Variants in ZNF366 observed in about 807,000 individuals in gnomAD.
The protein encoded by ZNF366 is dendritic cell-specific transcript protein.
A neutral mutation model predicts 47.2 loss-of-function variants in ZNF366; 20 were observed. That is an observed-to-expected ratio of 0.42 (90% CI 0.30 to 0.62). The LOEUF is 0.62. Ranked by LOEUF, ZNF366 falls within the 20% of genes least tolerant of loss-of-function variation. The pLI, the probability that ZNF366 is intolerant of heterozygous loss-of-function variation, is 0.16. For synonymous variants in ZNF366, 421 were observed against 395.1 expected (o/e 1.07, Z -0.78); for missense variants, 987 against 976.3 (o/e 1.01, Z -0.15).
Position 72,479,504 on chromosome 5 carries a change from T to A in ZNF366, c.-14-17994A>T, listed in dbSNP as rs184388423. On this transcript the variant is annotated intron_variant, in intron 1 of 4. Coordinates refer to ENST00000318442, the MANE Select transcript of ZNF366 (RefSeq NM_152625.3). ...AAAAGGAAATGACAAACCAAAAAAA[T>A]TTTTTTCAACATATGACAAATAATT... Among the ~76,000 whole-genome samples, 889 of 152,144 alleles carry A rather than the reference T, an allele frequency of 5.8e-3. 10 individuals carry two copies. Among genetic ancestry groups the A allele is most frequent in the African/African-American group, 0.019 (808 of 41,490 alleles).
At chr5:72,489,775 C>G (rs947738583) in intron 1 of ZNF366, among the ~76,000 whole-genome samples, 2 of 152,228 alleles carry the variant, frequency 1.3e-5, no homozygotes, top group African/African-American at 4.8e-5. Context: ...GGGAAGAGAA[C>G]CTTCTCTCTG....
At chr5:72,455,294 C>T (rs1444105497) in intron 3 of ZNF366, among the ~76,000 whole-genome samples, 1 of 152,098 alleles carries the variant, frequency 6.6e-6, no homozygotes, top group Non-Finnish European at 1.5e-5. Flanking sequence ...CAGGGGATTC[C>T]TTCAAGTGGG....
At chr5:72,477,002 T>C (rs746978268) in intron 1 of ZNF366, among the ~76,000 whole-genome samples, 4 of 152,132 alleles carry the variant, frequency 2.6e-5, no homozygotes, top group African/African-American at 9.7e-5. Flanking sequence ...ATACAATTTC[T>C]TTACATTGAG....
Position 72,461,284 on chromosome 5 carries a change from G to A in ZNF366, c.213C>T (p.Phe71=), listed in dbSNP as rs1050642962. The change falls in exon 2 of 5, where the codon TTC becomes TTT. Residue 71 remains phenylalanine (F), a synonymous_variant. Transcript: ENST00000318442. The part of the protein sequence containing the change: ...PGDLDGFPGV[F]EGAGSRKRKS... ...TCCGTTTCCTAGACCCTGCTCCTTC[G>A]AAGACCCCGGGGAACCCATCTAGGT... 1.1e-5 allele frequency: 17 copies of A among 1,613,900 alleles called. No individual in the cohort carries two copies. The highest frequency in any genetic ancestry group is 1.6e-4 in the Middle Eastern group (1 of 6,084).
intron 1 of ZNF366, among the ~76,000 whole-genome samples, chr5:72,475,315 G>A (rs910907086): frequency 1.3e-5 from 2 of 152,190 alleles, no homozygotes; most frequent in Non-Finnish European, 2.9e-5. Flanking sequence ...TGGGAGAGAA[G>A]GGGGTCTTCT....
At chr5:72,505,735 G>A (rs1201129940) in intron 1 of ZNF366, among the ~76,000 whole-genome samples, 1 of 152,240 alleles carries the variant, frequency 6.6e-6, no homozygotes, top group African/African-American at 2.4e-5. Flanking sequence ...GGCCACAGTT[G>A]CTGATAAATG....
intron 3 of ZNF366, among the ~76,000 whole-genome samples, chr5:72,447,659 G>T (rs952363851): frequency 6.6e-6 from 1 of 152,202 alleles, no homozygotes; most frequent in South Asian, 2.1e-4. Context: ...ATCAAAGCTT[G>T]TAAAGCTTCT....
rs1213934415 is a variant in ZNF366 at position 72,440,445 on chromosome 5, G to A, written c.*3311C>T. On this transcript the variant is annotated 3_prime_UTR_variant, in exon 5 of 5. Coordinates refer to ENST00000318442, the MANE Select transcript of ZNF366 (RefSeq NM_152625.3). ...GTCCATTGATTTGTTCAAAGTGACAGTGGTCAAAAGGCTGGAAAGCATTTG... is the reference window on the plus strand; with the variant it reads ...GTCCATTGATTTGTTCAAAGTGACAATGGTCAAAAGGCTGGAAAGCATTTG... The A allele has an allele frequency of 1.3e-5, 2 of 152,256 alleles. No individual in the cohort carries two copies. The highest frequency in any genetic ancestry group is 1.3e-4 in the Admixed American group (2 of 15,290). 9.4% of individuals were successfully genotyped at this position (152,256 alleles called of 1,614,324 possible). A position where few individuals can be genotyped will look rare whatever the true frequency, so the allele number is the denominator to read the frequency against.
chr5:72,445,363 A>AG (rs11441018), intron 4 of ZNF366, among the ~76,000 whole-genome samples: 127,236 of 151,582 alleles, frequency 0.84, 53,596 homozygotes, highest in East Asian at 0.96. Flanking sequence ...GGCTTCTGGG[A>AG]GGGGGTGAAA....
chr5:72,476,934 A>ATT (rs371617717), intron 1 of ZNF366, among the ~76,000 whole-genome samples: 2 of 147,152 alleles, frequency 1.4e-5, no homozygotes, highest in African/African-American at 5.0e-5. Context: ...GGGCTGTGGG[A>ATT]TTTTTTTTTT....
At position 72,505,582 on chromosome 5, in the gene ZNF366, T is replaced by C. The variant is rs142976938; in HGVS notation, c.-15+1669A>G. On this transcript the variant is annotated intron_variant, in intron 1 of 4. Coordinates refer to ENST00000318442, the MANE Select transcript of ZNF366 (RefSeq NM_152625.3). ...TGCTGTCATTTGTTTCCTATTGTGTTGCATCTGATGCTTTTACTCAGTAAA... is the reference window on the plus strand; with the variant it reads ...TGCTGTCATTTGTTTCCTATTGTGTCGCATCTGATGCTTTTACTCAGTAAA... 3.3e-5 allele frequency among the ~76,000 whole-genome samples: 5 copies of C among 152,342 alleles called. No homozygotes were observed. In the East Asian group the frequency reaches 5.8e-4, roughly 18 times the overall value.
intron 1 of ZNF366, among the ~76,000 whole-genome samples, chr5:72,484,300 C>CGT (rs1419561392): frequency 1.3e-5 from 2 of 151,212 alleles, no homozygotes; most frequent in Non-Finnish European, 2.9e-5. Context: ...CCGGCTAAAA[C>CGT]GGTGAAACCC....
Position 72,444,303 on chromosome 5 carries a change from GA to G in ZNF366, c.1700-13del. 6.3e-7 allele frequency: 1 copy of G among 1,595,938 alleles called. No individual in the cohort carries two copies. The highest frequency in any genetic ancestry group is 8.5e-7 in the Non-Finnish European group (1 of 1,170,352). ...CCCCCTTCCCAGACCTGCAAGAGCA[GA>G]GTAAGAATTCATGCACCTGAGGAAA... is the stretch of plus-strand genomic sequence containing the variant. On this transcript the variant is annotated splice_polypyrimidine_tract_variant and intron_variant, in intron 4 of 4. Coordinates refer to ENST00000318442, the MANE Select transcript of ZNF366 (RefSeq NM_152625.3).
At chr5:72,455,975 G>T (rs1743172848) in intron 3 of ZNF366, among the ~76,000 whole-genome samples, 1 of 152,110 alleles carries the variant, frequency 6.6e-6, no homozygotes, top group East Asian at 1.9e-4. Flanking sequence ...TGGGTGGGGG[G>T]GAAGCTGTGC....
intron 1 of ZNF366, among the ~76,000 whole-genome samples, chr5:72,476,240 T>C (rs1278801606): frequency 6.6e-6 from 1 of 152,134 alleles, no homozygotes; most frequent in African/African-American, 2.4e-5. Context: ...GTTTTAAACA[T>C]ACAATGCCCC....
intron 1 of ZNF366, among the ~76,000 whole-genome samples, chr5:72,467,556 G>A (rs541688772): frequency 6.6e-5 from 10 of 152,268 alleles, no homozygotes; most frequent in African/African-American, 2.4e-4. Flanking sequence ...TTTGTGGTTC[G>A]CATTCAAATC....
At chr5:72,479,431 A>T (rs1201574852) in intron 1 of ZNF366, among the ~76,000 whole-genome samples, 1 of 151,964 alleles carries the variant, frequency 6.6e-6, no homozygotes, top group Non-Finnish European at 1.5e-5. Flanking sequence ...TAAAAATTAA[A>T]AAAAGAAAAA....
rs980482961 is a variant in ZNF366, at chr5:72,442,304, T to A, written c.*1452A>T. 1.3e-5 allele frequency: 2 copies of A among 152,148 alleles called. No homozygotes were observed. The highest frequency in any genetic ancestry group is 2.9e-5 in the Non-Finnish European group (2 of 68,040). The allele number at this position is 152,148 out of a possible 1,614,324, so 9.4% of individuals were successfully genotyped here. ...ACAGAAATGGTGAGTTCTATTTTAG[T>A]CCCCTCAATCTTCTCAATCTTGGCT... is the stretch of plus-strand genomic sequence containing the variant. On this transcript the variant is annotated 3_prime_UTR_variant, in exon 5 of 5. Coordinates refer to ENST00000318442, the MANE Select transcript of ZNF366 (RefSeq NM_152625.3).
At chr5:72,497,916 T>G (rs1267208086) in intron 1 of ZNF366, among the ~76,000 whole-genome samples, 1 of 152,222 alleles carries the variant, frequency 6.6e-6, no homozygotes, top group African/African-American at 2.4e-5. Context: ...ATGTGAAGTA[T>G]GTGTTTCATG....
Sources: allele counts gnomAD v4.1 joint callset (sites outside exome capture counted in the v4.1 genomes callset), GRCh38; gene constraint gnomAD v4.1.1; transcripts MANE v1.5; gene names NCBI Gene and HGNC (gene_info 2026-07-23, HGNC 2026-07-21).